RRP7A: variants seen among roughly 807,000 people sequenced by gnomAD.
The protein encoded by RRP7A is ribosomal RNA processing 7 homolog A, also known as ribosomal RNA-processing protein 7 homolog A.
Under a neutral mutation model 38.4 loss-of-function variants are expected in RRP7A, and 27 were observed. The ratio of observed to expected loss-of-function variants is 0.70; its 90% confidence interval spans 0.52 to 0.97. The LOEUF (loss-of-function observed/expected upper bound fraction) is 0.97, where lower values mean the gene tolerates loss of function less well. Among genes scored for constraint, RRP7A ranks in the 50% least tolerant of loss-of-function variants. RRP7A has a pLI of 0.00. For synonymous variants in RRP7A, 124 were observed against 150.3 expected, an observed-to-expected ratio of 0.83 and a Z score of 1.28; for missense variants, 327 against 375.4, an observed-to-expected ratio of 0.87 and a Z score of 1.07.
Position 42,511,040 on chromosome 22 carries a change from CAG to C in RRP7A, c.*1868_*1869del, listed in dbSNP as rs1356949740. On this transcript the variant is annotated 3_prime_UTR_variant, in exon 7 of 7. Transcript: ENST00000323013. Reference sequence around the variant, plus strand: ...AGACAGTCCCACATTTTTTGAGAGACAGGGTCTCATTCTGTTGCTCAGGCTCA... The same window carrying C: ...AGACAGTCCCACATTTTTTGAGAGACGGTCTCATTCTGTTGCTCAGGCTCA... 1.3e-5 allele frequency: 2 copies of C among 159,118 alleles called. No individual in the cohort carries two copies. Among genetic ancestry groups the C allele is most frequent in the African/African-American group, 2.4e-5 (1 of 41,654 alleles). 9.9% of individuals were successfully genotyped at this position (159,118 alleles called of 1,614,324 possible).
Position 42,514,251 on chromosome 22 carries a change from C to T in RRP7A, c.612G>A (p.Val204=). 1 of 1,605,026 alleles carries T rather than the reference C, an allele frequency of 6.2e-7. No individual in the cohort carries two copies. Among genetic ancestry groups the T allele is most frequent in the Non-Finnish European group, 8.5e-7 (1 of 1,176,238 alleles). ...GCCGCCGGCCCCGGCGGGTCACCTT[C>T]ACCCAGCCCTCCTCGTCAGGGACCC... The part of the protein sequence containing the change: ...EEGVPDEEGW[V]KVTRRGRRPV... Residue 204 remains valine (V), a synonymous_variant, in exon 6 of 7, where the codon GTG becomes GTA. Transcript: ENST00000323013.
Position 42,512,606 on chromosome 22 carries a change from G to T in RRP7A, c.*304C>A. 1 of 556,018 alleles carries T rather than the reference G, an allele frequency of 1.8e-6. No homozygotes were observed. Among genetic ancestry groups the T allele is most frequent in the Admixed American group, 3.2e-5 (1 of 31,416 alleles). 34.4% of individuals were successfully genotyped at this position (556,018 alleles called of 1,614,324 possible). ...TTGCCAGCAAGGGCTTTTGCATTGA[G>T]GGAAAAGGAAGCACAGAACGGATTC... On this transcript the variant is annotated 3_prime_UTR_variant, in exon 7 of 7. Transcript: ENST00000323013.
intron 2 of RRP7A, 40 bp downstream of exon 2, chr22:42,517,965 T>C (rs201694018): frequency 6.9e-6 from 11 of 1,600,520 alleles, no homozygotes; most frequent in Non-Finnish European, 9.4e-6. Flanking sequence ...AGCCCCCACC[T>C]TGAGCCCACA....
In RRP7A at chr22:42,518,051, T is replaced by C; in HGVS notation, c.170A>G (p.Gln57Arg). Residue 57 changes from glutamine (Q) to arginine (R), a missense_variant, in exon 2 of 7, where the codon CAG (glutamine) becomes CGG (arginine). Physicochemically the swap from Gln to Arg is conservative, Grantham distance 43 (BLOSUM62 1). Coordinates refer to ENST00000323013, the MANE Select transcript of RRP7A (RefSeq NM_015703.5). ...ATTGAGGACAAAAAGAGTCCTCTTC[T>C]GAGGCCAGGTGGACTTGGTGCCTTG... ...VRQGTKSTWP[Q>R]KRTLFVLNVP... 1 of 1,614,058 alleles carries C rather than the reference T, an allele frequency of 6.2e-7. No homozygotes were observed. The highest frequency in any genetic ancestry group is 8.5e-7 in the Non-Finnish European group (1 of 1,179,944).
In RRP7A at chr22:42,509,675, T is replaced by C. The variant is rs7291176; in HGVS notation, c.*3235A>G. ...CATAAAAAGAAACGAAGCACTGACA[T>C]GGGCTCCAGCATGGATGAGCCTTGA... On this transcript the variant is annotated 3_prime_UTR_variant, in exon 7 of 7. Coordinates refer to ENST00000323013, the MANE Select transcript of RRP7A (RefSeq NM_015703.5). Among the ~76,000 whole-genome samples the C allele has an allele frequency of 0.25, 38,387 of 151,146 alleles. 5,006 individuals are homozygous for C. The highest frequency in any genetic ancestry group is 0.4 in the African/African-American group (16,366 of 41,058).
chr22:42,509,095 A>C lies in RRP7A; in HGVS notation c.*3815T>G, dbSNP rs749280274. 1 of 1,613,908 alleles carries C rather than the reference A, an allele frequency of 6.2e-7. No individual in the cohort carries two copies. The highest frequency in any genetic ancestry group is 8.5e-7 in the Non-Finnish European group (1 of 1,179,908). Reference sequence around the variant, plus strand: ...CATTCCATCAGGAAGCTGCAGGCCCATGTCCTGTTGATCAAGTGAGTCTGG... The same window carrying C: ...CATTCCATCAGGAAGCTGCAGGCCCCTGTCCTGTTGATCAAGTGAGTCTGG... On this transcript the variant is annotated 3_prime_UTR_variant, in exon 7 of 7. Coordinates refer to ENST00000323013, the MANE Select transcript of RRP7A (RefSeq NM_015703.5).
chr22:42,513,712 CA>C (rs1308418880), intron 6 of RRP7A, among the ~76,000 whole-genome samples: 1 of 149,190 alleles, frequency 6.7e-6, no homozygotes, highest in Non-Finnish European at 1.5e-5. Flanking sequence ...CACACACACA[CA>C]CCCACCACCA....
rs967573647 is a variant in RRP7A, at chr22:42,510,143, T to G, written c.*2767A>C. On this transcript the variant is annotated 3_prime_UTR_variant, in exon 7 of 7. Transcript: ENST00000323013. ...CCAAGCCCGGCTAATTTTTGTATTT[T>G]TAGTACAGACAGGGTTTCACCATGT... is the stretch of plus-strand genomic sequence containing the variant. 8 of 152,282 alleles carry G rather than the reference T, an allele frequency of 5.3e-5. No individual in the cohort carries two copies. The highest frequency in any genetic ancestry group is 1.9e-4 in the African/African-American group (8 of 41,400). 9.4% of individuals were successfully genotyped at this position (152,282 alleles called of 1,614,324 possible). A position where few individuals can be genotyped will look rare whatever the true frequency, so the allele number is the denominator to read the frequency against.
Position 42,519,695 on chromosome 22 carries a change from G to T in RRP7A, c.73+19C>A. The T allele has an allele frequency of 6.9e-7, 1 of 1,442,292 alleles. No homozygotes were observed. 89.3% of individuals were successfully genotyped at this position (1,442,292 alleles called of 1,614,324 possible). On this transcript the variant is annotated intron_variant, in intron 1 of 6. Transcript: ENST00000323013. Reference sequence around the variant, plus strand: ...GCGATGCCTGACCGCCCCCGGTCTCGCGTCCCGGAGCCCCTCACCTGCGTA... The same window carrying T: ...GCGATGCCTGACCGCCCCCGGTCTCTCGTCCCGGAGCCCCTCACCTGCGTA...
At position 42,511,443 on chromosome 22, in the gene RRP7A, G is replaced by C. The variant is rs1694253965; in HGVS notation, c.*1467C>G. 6.5e-6 allele frequency: 1 copy of C among 152,946 alleles called. No individual in the cohort carries two copies. The highest frequency in any genetic ancestry group is 2.4e-5 in the African/African-American group (1 of 41,468). The allele number at this position is 152,946 out of a possible 1,614,324, so 9.5% of individuals were successfully genotyped here. A position where few individuals can be genotyped will look rare whatever the true frequency, so the allele number is the denominator to read the frequency against. ...GCCCACCTTGGCCTCCCAAAGTGCT[G>C]GTTTTGCAGATGGGAGCCACCATGC... On this transcript the variant is annotated 3_prime_UTR_variant, in exon 7 of 7. Coordinates refer to ENST00000323013, the MANE Select transcript of RRP7A (RefSeq NM_015703.5).
At position 42,509,053 on chromosome 22, in the gene RRP7A, G is replaced by A. The variant is rs1362593556; in HGVS notation, c.*3857C>T. On this transcript the variant is annotated 3_prime_UTR_variant, in exon 7 of 7. Transcript: ENST00000323013. ...GCAGAGAACAGCATTGACTTCGTCA[G>A]CAGGGAGCTGTGTGCGCATTCCATC... The A allele has an allele frequency of 6.2e-6, 10 of 1,609,896 alleles. No individual in the cohort carries two copies. In the Admixed American group the frequency reaches 1.3e-4, roughly 21 times the overall value.
chr22:42,510,854 C>T lies in RRP7A; in HGVS notation c.*2056G>A, dbSNP rs1243291723. 22 of 1,104,002 alleles carry T rather than the reference C, an allele frequency of 2.0e-5. No homozygotes were observed. Among genetic ancestry groups the T allele is most frequent in the Non-Finnish European group, 2.4e-5 (21 of 870,944 alleles). The allele number at this position is 1,104,002 out of a possible 1,614,324, so 68.4% of individuals were successfully genotyped here. On this transcript the variant is annotated 3_prime_UTR_variant, in exon 7 of 7. Transcript: ENST00000323013. ...AGGCCCAACAAGTGACCACCAGGAT[C>T]TATCAGGCCTCATGCTCCAGTGATC...
chr22:42,513,140 G>T (rs995547983), intron 6 of RRP7A, 145 bp from the exon 7 acceptor site: 15 of 726,854 alleles, frequency 2.1e-5, no homozygotes, highest in Admixed American at 4.3e-5. Flanking sequence ...GCTCTGCTGT[G>T]GGGGCAGGGT....
At chr22:42,516,674 G>A (rs1351086124) in intron 2 of RRP7A, among the ~76,000 whole-genome samples, 1 of 152,240 alleles carries the variant, frequency 6.6e-6, no homozygotes, top group East Asian at 1.9e-4. Flanking sequence ...GATTTCCTAT[G>A]ACAAGTTTTA....
rs1004802537 is a variant in RRP7A at position 42,508,551 on chromosome 22, G to A, written c.*4359C>T. On this transcript the variant is annotated 3_prime_UTR_variant, in exon 7 of 7. Transcript: ENST00000323013. ...GCAGGGCCGCGGAGGAGGCTGGCTG[G>A]GGCCATCACGGAGTGCCCATCCTGC... is the stretch of plus-strand genomic sequence containing the variant. 6.6e-6 allele frequency among the ~76,000 whole-genome samples: 1 copy of A among 152,144 alleles called. No homozygotes were observed. Among genetic ancestry groups the A allele is most frequent in the African/African-American group, 2.4e-5 (1 of 41,398 alleles).
Position 42,509,997 on chromosome 22 carries a change from C to G in RRP7A, c.*2913G>C, listed in dbSNP as rs977400545. The G allele has an allele frequency of 7.0e-6, 1 of 143,174 alleles. No homozygotes were observed. The highest frequency in any genetic ancestry group is 1.5e-5 in the Non-Finnish European group (1 of 66,520). 8.9% of individuals were successfully genotyped at this position (143,174 alleles called of 1,614,324 possible). A position where few individuals can be genotyped will look rare whatever the true frequency, so the allele number is the denominator to read the frequency against. On this transcript the variant is annotated 3_prime_UTR_variant, in exon 7 of 7. Coordinates refer to ENST00000323013, the MANE Select transcript of RRP7A (RefSeq NM_015703.5). Reference sequence around the variant, plus strand: ...TTTTTTTTTTTGAGATGGAGTCTGGCTCTGTCGCCCAGGCTGGAGTGTAGT... The same window carrying G: ...TTTTTTTTTTTGAGATGGAGTCTGGGTCTGTCGCCCAGGCTGGAGTGTAGT...
chr22:42,514,090 A>C lies in RRP7A; in HGVS notation c.757+16T>G, dbSNP rs559727221. On this transcript the variant is annotated intron_variant, in intron 6 of 6. Coordinates refer to ENST00000323013, the MANE Select transcript of RRP7A (RefSeq NM_015703.5). ...CCAAGGCCGAGGGGTCTGAGGATGG[A>C]CTGGGGGTGGCTTACGCTCCATCTT... is the stretch of plus-strand genomic sequence containing the variant. 6.2e-7 allele frequency: 1 copy of C among 1,608,690 alleles called. No homozygotes were observed. Among genetic ancestry groups the C allele is most frequent in the East Asian group, 2.2e-5 (1 of 44,756 alleles).
At position 42,509,069 on chromosome 22, in the gene RRP7A, G is replaced by C. The variant is rs139392843; in HGVS notation, c.*3841C>G. 1.6e-5 allele frequency: 26 copies of C among 1,613,144 alleles called. No homozygotes were observed. The highest frequency in any genetic ancestry group is 1.0e-5 in the Non-Finnish European group (12 of 1,179,168). On this transcript the variant is annotated 3_prime_UTR_variant, in exon 7 of 7. Transcript: ENST00000323013. ...ACTTCGTCAGCAGGGAGCTGTGTGC[G>C]CATTCCATCAGGAAGCTGCAGGCCC...
chr22:42,515,777 C>T (rs1260518540), intron 3 of RRP7A, among the ~76,000 whole-genome samples: 5 of 152,196 alleles, frequency 3.3e-5, no homozygotes, highest in East Asian at 1.9e-4. Context: ...CCAGCAGAGA[C>T]GGTCCGTGAG....
Sources: gnomAD v4.1 joint callset for allele counts (sites outside exome capture counted in the v4.1 genomes callset) on GRCh38, gnomAD v4.1.1 for gene constraint, MANE v1.5 for transcripts, NCBI Gene and HGNC (gene_info 2026-07-23, HGNC 2026-07-21) for gene names.